AGBL1: variants seen among roughly 807,000 people sequenced by gnomAD.
The protein encoded by AGBL1 is cytosolic carboxypeptidase 4.
A neutral mutation model predicts 118.9 loss-of-function variants in AGBL1; 130 were observed. That is an observed-to-expected ratio of 1.09 (90% CI 0.95 to 1.26). The LOEUF (loss-of-function observed/expected upper bound fraction) is 1.26. Ranked by LOEUF, AGBL1 falls within the 50% of genes most tolerant of loss-of-function variation. AGBL1 has a pLI of 0.00. For synonymous variants in AGBL1, 555 were observed against 478.9 expected, an observed-to-expected ratio of 1.16 and a Z score of -2.08; for missense variants, 1,584 against 1,298.1, an observed-to-expected ratio of 1.22 and a Z score of -3.38.
intron 22 of AGBL1, among the ~76,000 whole-genome samples, chr15:86,704,056 A>T (rs929629308): frequency 1.3e-5 from 2 of 152,222 alleles, no homozygotes; most frequent in Non-Finnish European, 2.9e-5. Context: ...TTCCTACTTA[A>T]TGAATGGTGC....
At chr15:86,290,343 CTTT>C (rs559169172) in intron 16 of AGBL1, among the ~76,000 whole-genome samples, 27,808 of 134,196 alleles carry the variant, frequency 0.21, 2,313 homozygotes, top group Non-Finnish European at 0.26. Context: ...TCTTTTCTTT[CTTT>C]TTTTTTTTTT....
intron 1 of AGBL1, among the ~76,000 whole-genome samples, chr15:86,090,312 T>A (rs1330523714): frequency 6.6e-6 from 1 of 152,200 alleles, no homozygotes; most frequent in Non-Finnish European, 1.5e-5. Context: ...GTTCACTATT[T>A]GTAAAAAAAT....
chr15:86,203,104 T>C (rs2077933734), intron 5 of AGBL1, among the ~76,000 whole-genome samples: 1 of 151,920 alleles, frequency 6.6e-6, no homozygotes, highest in Non-Finnish European at 1.5e-5. Context: ...AGAATAATGA[T>C]AGTGATAATG....
chr15:86,645,401 TA>T (rs2085261104), intron 21 of AGBL1, among the ~76,000 whole-genome samples: 1 of 152,218 alleles, frequency 6.6e-6, no homozygotes, highest in Non-Finnish European at 1.5e-5. Flanking sequence ...ATTTTAAAAT[TA>T]AAAAATGGGA....
At chr15:86,364,345 G>A (rs542807060) in intron 17 of AGBL1, among the ~76,000 whole-genome samples, 12 of 152,288 alleles carry the variant, frequency 7.9e-5, no homozygotes, top group Admixed American at 7.2e-4. Context: ...AGTAGGTACT[G>A]TTATTATAAT....
chr15:86,156,328 T>C (rs1235282499), intron 4 of AGBL1, among the ~76,000 whole-genome samples: 1 of 152,238 alleles, frequency 6.6e-6, no homozygotes, highest in Non-Finnish European at 1.5e-5. Context: ...CCCTGTGTCC[T>C]CACAAGGTCT....
intron 9 of AGBL1, among the ~76,000 whole-genome samples, chr15:86,259,004 C>T (rs959898815): frequency 1.3e-5 from 2 of 152,202 alleles, no homozygotes; most frequent in East Asian, 3.9e-4. Context: ...TGTGCCCAGC[C>T]TCCAAGCAGT....
At chr15:86,346,870 C>T (rs2080545736) in intron 17 of AGBL1, among the ~76,000 whole-genome samples, 1 of 152,198 alleles carries the variant, frequency 6.6e-6, no homozygotes, top group African/African-American at 2.4e-5. Context: ...TGCCATACAG[C>T]AAGACTCTGC....
At chr15:86,225,615 T>A (rs146332524) in intron 6 of AGBL1, among the ~76,000 whole-genome samples, 1 of 152,188 alleles carries the variant, frequency 6.6e-6, no homozygotes, top group Admixed American at 6.5e-5. Context: ...ATTTCATGTG[T>A]GCAATATAAT....
intron 5 of AGBL1, among the ~76,000 whole-genome samples, chr15:86,185,715 T>C (rs556670482): frequency 5.4e-5 from 8 of 149,012 alleles, no homozygotes; most frequent in East Asian, 4.0e-4. Context: ...ATGAGAACAC[T>C]TGGACACACG....
At chr15:86,178,255 G>A (rs1031340396) in intron 5 of AGBL1, among the ~76,000 whole-genome samples, 2 of 152,188 alleles carry the variant, frequency 1.3e-5, no homozygotes, top group African/African-American at 4.8e-5. Flanking sequence ...GGAGGTTGCA[G>A]TGAGCCAAGG....
intron 22 of AGBL1, among the ~76,000 whole-genome samples, chr15:86,725,587 T>C (rs752231161): frequency 5.3e-5 from 8 of 152,202 alleles, no homozygotes; most frequent in Admixed American, 1.3e-4. Context: ...AATCTGCCTG[T>C]GTGCATGTGT....
intron 21 of AGBL1, among the ~76,000 whole-genome samples, chr15:86,633,214 G>A (rs1448257263): frequency 6.6e-6 from 1 of 152,164 alleles, no homozygotes; most frequent in Non-Finnish European, 1.5e-5. Context: ...AAAATGCTGT[G>A]TTGTGTGATA....
chr15:86,365,254 C>T (rs575375821), intron 17 of AGBL1, among the ~76,000 whole-genome samples: 2 of 152,088 alleles, frequency 1.3e-5, no homozygotes, highest in South Asian at 2.1e-4. Context: ...TTTTGATCTC[C>T]TACATTAGTC....
intron 22 of AGBL1, among the ~76,000 whole-genome samples, chr15:86,716,606 G>T (rs984075499): frequency 2.6e-5 from 4 of 152,140 alleles, no homozygotes; most frequent in Non-Finnish European, 5.9e-5. Context: ...AAAGCTCACG[G>T]CTATCTCCAG....
At chr15:86,129,862 T>C (rs552374628) in intron 1 of AGBL1, among the ~76,000 whole-genome samples, 74 of 152,178 alleles carry the variant, frequency 4.9e-4, no homozygotes, top group Non-Finnish European at 6.8e-4. Context: ...AGAGAGAGCG[T>C]GTGGGGTGGA....
At chr15:87,017,346 A>G (rs1460964820) in intron 24 of AGBL1, among the ~76,000 whole-genome samples, 2 of 152,166 alleles carry the variant, frequency 1.3e-5, no homozygotes, top group African/African-American at 4.8e-5. Context: ...ACTTCTCAAC[A>G]GAGGTCTCCA....
At chr15:86,331,642 C>T (rs2080270634) in intron 17 of AGBL1, among the ~76,000 whole-genome samples, 1 of 152,174 alleles carries the variant, frequency 6.6e-6, no homozygotes, top group African/African-American at 2.4e-5. Context: ...GATCGGGGGC[C>T]TGTTTACAAC....
At chr15:86,923,065 G>A (rs976934430) in intron 23 of AGBL1, among the ~76,000 whole-genome samples, 6 of 152,194 alleles carry the variant, frequency 3.9e-5, no homozygotes, top group African/African-American at 1.4e-4. Context: ...CCGGCCCGAG[G>A]GATGGTGGTG....
Sources: allele counts gnomAD v4.1 joint callset (sites outside exome capture counted in the v4.1 genomes callset), GRCh38; gene constraint gnomAD v4.1.1; transcripts MANE v1.5; gene names NCBI Gene and HGNC (gene_info 2026-07-23, HGNC 2026-07-21).